The following MACROD2 variants were observed in gnomAD, a reference collection of about 807,000 sequenced individuals.
MACROD2 encodes the protein mono-ADP ribosylhydrolase 2, also known as ADP-ribose glycohydrolase MACROD2.
Under a neutral mutation model 70.4 loss-of-function variants are expected in MACROD2, and 36 were observed. The ratio of observed to expected loss-of-function variants is 0.51; its 90% CI spans 0.39 to 0.68. The LOEUF is 0.68. Ranked by LOEUF, MACROD2 falls within the 30% of genes least tolerant of loss-of-function variation. The pLI, the probability that MACROD2 is intolerant of heterozygous loss-of-function variation, is 0.00. For synonymous variants in MACROD2, 172 were observed against 178.8 expected (o/e 0.96, Z 0.30); for missense variants, 496 against 538.4 (o/e 0.92, Z 0.78).
intron 4 of MACROD2, among the ~76,000 whole-genome samples, chr20:14,632,869 T>C (rs1027325385): frequency 6.6e-6 from 1 of 152,234 alleles, no homozygotes; most frequent in African/African-American, 2.4e-5. Context: ...TAGGCATATA[T>C]TGAAAGTTCT....
intron 5 of MACROD2, among the ~76,000 whole-genome samples, chr20:14,995,497 G>A (rs1448763034): frequency 2.6e-5 from 4 of 151,838 alleles, no homozygotes; most frequent in Non-Finnish European, 5.9e-5. Flanking sequence ...GCAGCGAAGT[G>A]AGACCCTGCC....
At chr20:14,427,428 G>C (rs2083946060) in intron 3 of MACROD2, among the ~76,000 whole-genome samples, 1 of 150,572 alleles carries the variant, frequency 6.6e-6, no homozygotes, top group Non-Finnish European at 1.5e-5. Flanking sequence ...CTTTCTTTTA[G>C]AGAATATCAC....
At chr20:15,496,331 G>T (rs1011906894) in intron 7 of MACROD2, among the ~76,000 whole-genome samples, 24 of 152,226 alleles carry the variant, frequency 1.6e-4, no homozygotes, top group African/African-American at 5.8e-4. Context: ...AAGATGAGCG[G>T]GTCAATGGAC....
chr20:15,926,891 G>A (rs1379714370), intron 10 of MACROD2, among the ~76,000 whole-genome samples: 1 of 152,170 alleles, frequency 6.6e-6, no homozygotes, highest in African/African-American at 2.4e-5. Flanking sequence ...GGTATGAGCT[G>A]CCTCACACTT....
At chr20:15,143,055 T>G (rs2076204226) in intron 5 of MACROD2, among the ~76,000 whole-genome samples, 1 of 110,438 alleles carries the variant, frequency 9.1e-6, no homozygotes, top group Admixed American at 9.1e-5. Context: ...TCAAATGGTA[T>G]TTCTAGTTCT....
intron 10 of MACROD2, among the ~76,000 whole-genome samples, chr20:15,922,905 C>G (rs2065432083): frequency 6.6e-6 from 1 of 152,204 alleles, no homozygotes; most frequent in East Asian, 1.9e-4. Flanking sequence ...AAGGTGATTA[C>G]ATTATCATCT....
intron 15 of MACROD2, among the ~76,000 whole-genome samples, chr20:16,035,781 CATCCA>C (rs2067226677): frequency 3.0e-4 from 1 of 3,282 alleles, no homozygotes; most frequent in Non-Finnish European, 7.5e-3. Flanking sequence ...GAAGTGTATC[CATCCA>C]CATGAGCTGA....
chr20:15,072,401 G>C (rs1254913676), intron 5 of MACROD2, among the ~76,000 whole-genome samples: 1 of 152,144 alleles, frequency 6.6e-6, no homozygotes, highest in Non-Finnish European at 1.5e-5. Flanking sequence ...CTAGATAGTA[G>C]AGGCCTATAA....
chr20:14,073,757 A>G (rs1265960169), intron 2 of MACROD2, among the ~76,000 whole-genome samples: 2 of 152,216 alleles, frequency 1.3e-5, no homozygotes, highest in African/African-American at 4.8e-5. Flanking sequence ...AATCATTATA[A>G]ACAATTATAA....
At chr20:16,046,675 CTTTT>C (rs557907668) in intron 17 of MACROD2, among the ~76,000 whole-genome samples, 36 of 85,500 alleles carry the variant, frequency 4.2e-4, no homozygotes, top group African/African-American at 1.6e-3. Context: ...GGTGTCAAAA[CTTTT>C]TTTTTTTTTT....
chr20:15,933,530 A>G (rs1011789087), intron 11 of MACROD2, 192 bp downstream of exon 11: 3 of 513,586 alleles, frequency 5.8e-6, no homozygotes, highest in African/African-American at 3.9e-5. Context: ...AGAGTGGCAC[A>G]TTCTCACATC....
chr20:15,586,685 A>C (rs1007941552), intron 8 of MACROD2, among the ~76,000 whole-genome samples: 2 of 152,200 alleles, frequency 1.3e-5, no homozygotes, highest in African/African-American at 4.8e-5. Flanking sequence ...ATAGAGAAAG[A>C]AAGCCCAGGA....
intron 8 of MACROD2, among the ~76,000 whole-genome samples, chr20:15,741,960 C>A (rs1315459815): frequency 6.6e-6 from 1 of 152,076 alleles, no homozygotes; most frequent in East Asian, 1.9e-4. Context: ...TTGCCTTGAG[C>A]CCTCATACTT....
intron 6 of MACROD2, among the ~76,000 whole-genome samples, chr20:15,241,546 A>G (rs1480361752): frequency 1.3e-5 from 2 of 152,204 alleles, no homozygotes; most frequent in African/African-American, 4.8e-5. Flanking sequence ...CTCAGTTAAC[A>G]TACATCCATA....
In MACROD2 at chr20:15,898,944, A is replaced by G. The variant is rs2065018760; in HGVS notation, c.775+13133A>G. Among the ~76,000 whole-genome samples, 3 of 151,878 alleles carry G rather than the reference A, an allele frequency of 2.0e-5. No homozygotes were observed. In the South Asian group the frequency reaches 6.2e-4, roughly 31 times the overall value. ...TATAGTATGTATATGTGTATACCTT[A>G]TATGTATATATGTATACACATACCT... On this transcript the variant is annotated intron_variant, in intron 10 of 17. Transcript: ENST00000684519.
chr20:15,089,356 A>G (rs1428207309), intron 5 of MACROD2, among the ~76,000 whole-genome samples: 3 of 152,120 alleles, frequency 2.0e-5, no homozygotes, highest in Non-Finnish European at 4.4e-5. Flanking sequence ...GGCAGAAGAA[A>G]TGTTTTAAAG....
chr20:14,962,539 CTCTT>C (rs201309775), intron 5 of MACROD2, among the ~76,000 whole-genome samples: 2,502 of 150,100 alleles, frequency 0.017, 71 homozygotes, highest in African/African-American at 0.058. Context: ...CTCTCTCTCT[CTCTT>C]TCTCTCTGTC....
At chr20:14,912,103 A>G (rs2074034889) in intron 5 of MACROD2, among the ~76,000 whole-genome samples, 1 of 152,128 alleles carries the variant, frequency 6.6e-6, no homozygotes, top group Non-Finnish European at 1.5e-5. Context: ...ACTTGGTCCC[A>G]TCTCTACTGC....
intron 2 of MACROD2, among the ~76,000 whole-genome samples, chr20:14,035,483 T>C (rs1314561682): frequency 6.6e-6 from 1 of 152,226 alleles, no homozygotes; most frequent in Non-Finnish European, 1.5e-5. Flanking sequence ...ATAGTGAGGA[T>C]AATTATTAAT....
Sources: gnomAD v4.1 joint callset for allele counts (sites outside exome capture counted in the v4.1 genomes callset) on GRCh38, gnomAD v4.1.1 for gene constraint, MANE v1.5 for transcripts, NCBI Gene and HGNC (gene_info 2026-07-23, HGNC 2026-07-21) for gene names.